The following GLI3 variants were observed in gnomAD, a reference collection of about 807,000 sequenced individuals.
GLI3 encodes the protein transcription activator GLI3.
Under a neutral mutation model 100.8 loss-of-function variants are expected in GLI3, and 20 were observed. The ratio of observed to expected loss-of-function variants is 0.20; its 90% CI spans 0.14 to 0.29. The LOEUF is 0.29. Ranked by LOEUF, GLI3 falls within the 10% of genes least tolerant of loss-of-function variation. The pLI is 1.00. For synonymous variants in GLI3, 938 were observed against 860.5 expected (o/e 1.09, Z -1.58); for missense variants, 2,040 against 2,128.5 (o/e 0.96, Z 0.82).
In GLI3 at chr7:41,964,567, T is replaced by C; in HGVS notation, c.4506A>G (p.Val1502=). The change falls in exon 15 of 15, where the codon GTA becomes GTG. Residue 1502 remains valine, a synonymous_variant. Transcript: ENST00000395925. ...CTATGATGGCATCGAAGTCAATCTG[T>C]ACCCCTTCCAGGTCATGGCTGTCGA... ...DSLDSHDLEG[V]QIDFDAIIDD... The C allele has an allele frequency of 6.2e-7, 1 of 1,614,016 alleles. No homozygotes were observed. The highest frequency in any genetic ancestry group is 8.5e-7 in the Non-Finnish European group (1 of 1,179,858).
intron 10 of GLI3, among the ~76,000 whole-genome samples, chr7:42,002,338 T>C (rs552996793): frequency 6.6e-6 from 1 of 152,334 alleles, no homozygotes; most frequent in South Asian, 2.1e-4. Context: ...CGACAACAGC[T>C]GTAGTTGTTC....
chr7:42,087,819 A>G (rs1785134246), intron 3 of GLI3, among the ~76,000 whole-genome samples: 1 of 151,920 alleles, frequency 6.6e-6, no homozygotes, highest in Non-Finnish European at 1.5e-5. Context: ...TTTACTGCAC[A>G]CTGGGAGCAT....
intron 3 of GLI3, among the ~76,000 whole-genome samples, chr7:42,092,899 C>A (rs1292789900): frequency 6.6e-6 from 1 of 151,768 alleles, no homozygotes; most frequent in Non-Finnish European, 1.5e-5. Context: ...CTGCAACCTC[C>A]GTCTCTGGAG....
chr7:42,159,362 A>C (rs1787079620), intron 2 of GLI3, among the ~76,000 whole-genome samples: 1 of 152,210 alleles, frequency 6.6e-6, no homozygotes, highest in South Asian at 2.1e-4. Context: ...ATTATTTACC[A>C]ACAAATGAAA....
upstream of GLI3, among the ~76,000 whole-genome samples, chr7:42,237,355 G>A (rs928754312): frequency 1.5e-4 from 23 of 152,134 alleles, no homozygotes; most frequent in Non-Finnish European, 3.1e-4. Flanking sequence ...GGGAGGGAGG[G>A]GAAAGAGAAA....
At chr7:42,083,682 T>A (rs1005486327) in intron 3 of GLI3, among the ~76,000 whole-genome samples, 2 of 152,190 alleles carry the variant, frequency 1.3e-5, no homozygotes, top group East Asian at 3.9e-4. Context: ...AAAAAAAATA[T>A]CAATTTTTTA....
At chr7:42,229,570 C>T (rs1474097504) in intron 1 of GLI3, among the ~76,000 whole-genome samples, 1 of 152,176 alleles carries the variant, frequency 6.6e-6, no homozygotes, top group Non-Finnish European at 1.5e-5. Flanking sequence ...AGCAGCTTGT[C>T]ATAAGGATTT....
intron 1 of GLI3, among the ~76,000 whole-genome samples, chr7:42,246,221 G>C (rs1433603812): frequency 6.6e-6 from 1 of 152,172 alleles, no homozygotes; most frequent in Admixed American, 6.5e-5. Context: ...AAATCCCTGA[G>C]ATCCATGTGC....
chr7:42,177,817 G>C (rs3779167), intron 2 of GLI3, among the ~76,000 whole-genome samples: 1 of 152,144 alleles, frequency 6.6e-6, no homozygotes, highest in African/African-American at 2.4e-5. Flanking sequence ...CGACGGGCTC[G>C]TCCAGTAAGA....
At chr7:42,127,586 T>G (rs936966355) in intron 3 of GLI3, among the ~76,000 whole-genome samples, 1 of 152,228 alleles carries the variant, frequency 6.6e-6, no homozygotes, top group African/African-American at 2.4e-5. Context: ...TAAACTCCAG[T>G]AGTGTTTGGG....
intron 4 of GLI3, among the ~76,000 whole-genome samples, chr7:42,054,857 C>T (rs1011616249): frequency 4.0e-5 from 6 of 151,566 alleles, no homozygotes; most frequent in Non-Finnish European, 7.4e-5. Flanking sequence ...GGCATGGTGG[C>T]ACACTCCTAC....
intron 12 of GLI3, among the ~76,000 whole-genome samples, chr7:41,974,579 C>A (rs1173252255): frequency 6.6e-6 from 1 of 152,074 alleles, no homozygotes; most frequent in Non-Finnish European, 1.5e-5. Context: ...TAAGAAGATG[C>A]AATGATCTGT....
intron 10 of GLI3, among the ~76,000 whole-genome samples, chr7:41,985,499 G>A (rs995251453): frequency 6.6e-6 from 1 of 151,674 alleles, no homozygotes; most frequent in Admixed American, 6.6e-5. Context: ...TACTCTTTAG[G>A]TAGTATTACT....
chr7:41,975,365 C>T (rs1583745268), intron 12 of GLI3, among the ~76,000 whole-genome samples: 1 of 152,172 alleles, frequency 6.6e-6, no homozygotes, highest in East Asian at 1.9e-4. Context: ...CTTGATTCAT[C>T]TAGGATTGTG....
rs559680484 is a variant in GLI3, at chr7:41,994,265, T to G, written c.1498-15517A>C. Reference sequence around the variant, plus strand: ...CTAGCTATTGTTCTTGTGGACAGTTTGCACAGAGATTTCTTCCCAATGCAA... The same window carrying G: ...CTAGCTATTGTTCTTGTGGACAGTTGGCACAGAGATTTCTTCCCAATGCAA... On this transcript the variant is annotated intron_variant, in intron 10 of 14. Coordinates refer to ENST00000395925, the MANE Select transcript of GLI3 (RefSeq NM_000168.6). 3.5e-4 allele frequency among the ~76,000 whole-genome samples: 54 copies of G among 152,332 alleles called. No homozygotes were observed. In the South Asian group the frequency reaches 0.011, roughly 31 times the overall value.
chr7:42,002,498 T>C (rs535309582), intron 10 of GLI3, among the ~76,000 whole-genome samples: 1 of 152,172 alleles, frequency 6.6e-6, no homozygotes, highest in Non-Finnish European at 1.5e-5. Context: ...TATAATAAAA[T>C]ACGTAGACAA....
chr7:42,117,907 C>T (rs56359782), intron 3 of GLI3, among the ~76,000 whole-genome samples: 16,347 of 152,170 alleles, frequency 0.11, 966 homozygotes, highest in African/African-American at 0.17. Context: ...GAGTAGCTGC[C>T]GCTGTCTCCA....
intron 3 of GLI3, among the ~76,000 whole-genome samples, chr7:42,105,325 T>G (rs1022191492): frequency 1.3e-5 from 2 of 152,148 alleles, no homozygotes; most frequent in East Asian, 1.9e-4. Context: ...TTGGAAAGAT[T>G]TGGAAGCAGA....
chr7:41,988,510 A>C (rs1339443244), intron 10 of GLI3, among the ~76,000 whole-genome samples: 2 of 147,428 alleles, frequency 1.4e-5, no homozygotes, highest in Non-Finnish European at 3.0e-5. Context: ...GGTGATTAAG[A>C]GGGCAGAGCC....
Sources: allele counts gnomAD v4.1 joint callset (sites outside exome capture counted in the v4.1 genomes callset), GRCh38; gene constraint gnomAD v4.1.1; transcripts MANE v1.5; gene names NCBI Gene and HGNC (gene_info 2026-07-23, HGNC 2026-07-21).